SERPINB5: variants seen among roughly 807,000 people sequenced by gnomAD.
SERPINB5 encodes serpin family B member 5, also known as serpin B5.
In SERPINB5, 27 loss-of-function variants were observed where a neutral mutation model predicts 32.2. That is an observed-to-expected ratio of 0.84 (90% CI 0.62 to 1.16). The LOEUF (loss-of-function observed/expected upper bound fraction) is 1.16. Ranked by LOEUF, SERPINB5 falls within the 50% of genes most tolerant of loss-of-function variation. The pLI is 0.00. For synonymous variants in SERPINB5, 154 were observed against 157.4 expected, an observed-to-expected ratio of 0.98 and a Z score of 0.16; for missense variants, 388 against 436.3, an observed-to-expected ratio of 0.89 and a Z score of 0.99.
rs891826724 is a variant in SERPINB5 at position 63,488,018 on chromosome 18, TA to T, written c.306+946del. 1.9e-4 allele frequency among the ~76,000 whole-genome samples: 29 copies of T among 150,956 alleles called. No homozygotes were observed. In the East Asian group the frequency reaches 4.5e-3, roughly 23 times the overall value. On this transcript the variant is annotated intron_variant, in intron 3 of 6. Coordinates refer to ENST00000382771, the MANE Select transcript of SERPINB5 (RefSeq NM_002639.5). ...TCTTCCAACAATCATCTGAAGAATTTAAAAAAAAAAACTGAGATGTGAGTTG... is the reference window on the plus strand; with the variant it reads ...TCTTCCAACAATCATCTGAAGAATTTAAAAAAAAAACTGAGATGTGAGTTG...
chr18:63,484,381 G>C, intron 1 of SERPINB5, 41 bp from the exon 2 acceptor site: 1 of 1,560,562 alleles, frequency 6.4e-7, no homozygotes, highest in African/African-American at 1.4e-5. Context: ...AGACGTTAAA[G>C]ATGCTTTAGA....
In SERPINB5 at chr18:63,498,615, A is replaced by G. The variant is rs1192740796; in HGVS notation, c.568-505A>G. ...ATGTGTAACATGTAGATTATAAAGTATATGAATAACTTTTCAAAGGAACAC... is the reference window on the plus strand; with the variant it reads ...ATGTGTAACATGTAGATTATAAAGTGTATGAATAACTTTTCAAAGGAACAC... On this transcript the variant is annotated intron_variant, in intron 5 of 6. Transcript: ENST00000382771. This position sits in a 1 kb window ranked among gnomAD's most constrained non-coding sequence, Gnocchi z 4.2. Among the ~76,000 whole-genome samples, 1 of 152,180 alleles carries G rather than the reference A, an allele frequency of 6.6e-6. No individual in the cohort carries two copies. Among genetic ancestry groups the G allele is most frequent in the Non-Finnish European group, 1.5e-5 (1 of 68,032 alleles).
rs1038025320 is a variant in SERPINB5 at position 63,498,925 on chromosome 18, GTA to G, written c.568-188_568-187del. 2.3e-4 allele frequency among the ~76,000 whole-genome samples: 34 copies of G among 150,480 alleles called. No individual in the cohort carries two copies. The highest frequency in any genetic ancestry group is 7.8e-4 in the African/African-American group (32 of 41,044). Reference sequence around the variant, plus strand: ...TATGTATGCATATATATGTATATGTGTATATATAGGTGTATGTATATATGTAT... The same window carrying G: ...TATGTATGCATATATATGTATATGTGTATATAGGTGTATGTATATATGTAT... On this transcript the variant is annotated intron_variant, in intron 5 of 6. Transcript: ENST00000382771. This position sits in a 1 kb window ranked among gnomAD's most constrained non-coding sequence, Gnocchi z 4.2.
chr18:63,492,959 T>C lies in SERPINB5; in HGVS notation c.431T>C (p.Phe144Ser). The change falls in exon 5 of 7, where the codon TTT (phenylalanine) becomes TCT (serine). Residue 144 changes from phenylalanine (F) to serine (S), a missense_variant. Transcript: ENST00000382771. ...TTTCCTAAAATTGTTGCAGGCCACT[T>C]TGAGAACATTTTAGCTGACAACAGT... ...NSIKDLTDGH[F>S]ENILADNSVN... is the part of the protein sequence containing the mutation. The C allele has an allele frequency of 6.2e-7, 1 of 1,608,720 alleles. No individual in the cohort carries two copies. Among genetic ancestry groups the C allele is most frequent in the Non-Finnish European group, 8.5e-7 (1 of 1,176,882 alleles).
chr18:63,482,598 T>C (rs1273234830), intron 1 of SERPINB5, among the ~76,000 whole-genome samples: 1 of 152,188 alleles, frequency 6.6e-6, no homozygotes, highest in Admixed American at 6.5e-5. Context: ...TGAATTTACC[T>C]AATTGTCTTT....
intron 1 of SERPINB5, among the ~76,000 whole-genome samples, chr18:63,481,009 C>A (rs934923377): frequency 1.3e-5 from 2 of 152,148 alleles, no homozygotes; most frequent in African/African-American, 2.4e-5. Flanking sequence ...GATTAGCATG[C>A]AAAGGAAGGG....
chr18:63,503,240 C>A, intron 6 of SERPINB5, 90 bp from the exon 7 acceptor site: 1 of 1,402,276 alleles, frequency 7.1e-7, no homozygotes, highest in Non-Finnish European at 9.5e-7. Context: ...TGAAGCTGGG[C>A]TTATCATAAC....
intron 6 of SERPINB5, among the ~76,000 whole-genome samples, chr18:63,502,668 C>A (rs1214473236): frequency 6.6e-6 from 1 of 152,132 alleles, no homozygotes; most frequent in Non-Finnish European, 1.5e-5. Flanking sequence ...ATTTTATATT[C>A]ATTTCACTAT....
At position 63,504,056 on chromosome 18, in the gene SERPINB5, A is replaced by T. The variant is rs1438751724; in HGVS notation, c.*334A>T. Reference sequence around the variant, plus strand: ...TCCACAAAGAAAATTCCTATAAGGAAGATTTGGAAGCTCTTCTTCCCAGCA... The same window carrying T: ...TCCACAAAGAAAATTCCTATAAGGATGATTTGGAAGCTCTTCTTCCCAGCA... On this transcript the variant is annotated 3_prime_UTR_variant, in exon 7 of 7. Coordinates refer to ENST00000382771, the MANE Select transcript of SERPINB5 (RefSeq NM_002639.5). 1 of 270,184 alleles carries T rather than the reference A, an allele frequency of 3.7e-6. No individual in the cohort carries two copies. The highest frequency in any genetic ancestry group is 6.9e-6 in the Non-Finnish European group (1 of 144,010). 16.7% of individuals were successfully genotyped at this position (270,184 alleles called of 1,614,324 possible).
chr18:63,496,884 T>C (rs1358438776), intron 5 of SERPINB5: 3 of 311,712 alleles, frequency 9.6e-6, no homozygotes, highest in Non-Finnish European at 1.3e-5. Context: ...AGAAAAGGCC[T>C]GGGCAGTGCT....
intron 6 of SERPINB5, among the ~76,000 whole-genome samples, chr18:63,499,649 G>A (rs1329349068): frequency 6.6e-6 from 1 of 152,170 alleles, no homozygotes; most frequent in Non-Finnish European, 1.5e-5. Flanking sequence ...TCAAGGGTGT[G>A]TGCAGGATCA....
intron 3 of SERPINB5, 144 bp from the exon 4 acceptor site, chr18:63,489,203 A>G: frequency 2.2e-6 from 1 of 457,410 alleles, no homozygotes; most frequent in Non-Finnish European, 3.9e-6. Context: ...ACTGACTTCT[A>G]CATGAGGTTT....
At chr18:63,482,831 TATA>T (rs1272422167) in intron 1 of SERPINB5, among the ~76,000 whole-genome samples, 6 of 150,398 alleles carry the variant, frequency 4.0e-5, no homozygotes, top group East Asian at 3.9e-4. Context: ...ATTAAAATAA[TATA>T]ATAATTAAAT....
chr18:63,493,373 A>G, intron 5 of SERPINB5: 1 of 565,754 alleles, frequency 1.8e-6, no homozygotes. Context: ...CCAGCTGAAA[A>G]ATAGCTACAA....
intron 6 of SERPINB5, among the ~76,000 whole-genome samples, chr18:63,501,649 C>T (rs528089372): frequency 3.3e-5 from 5 of 152,308 alleles, no homozygotes; most frequent in East Asian, 1.9e-4. Flanking sequence ...AACTTGTTTA[C>T]GGTCCCACCA....
intron 2 of SERPINB5, 143 bp downstream of exon 2, chr18:63,484,739 A>ATTTT (rs1474564506): frequency 2.1e-5 from 3 of 144,832 alleles, no homozygotes; most frequent in South Asian, 1.1e-4. Flanking sequence ...GACTCTCTTA[A>ATTTT]TCTTTTTTTT....
intron 5 of SERPINB5, among the ~76,000 whole-genome samples, chr18:63,494,109 G>C (rs995148894): frequency 4.0e-5 from 6 of 151,896 alleles, no homozygotes; most frequent in Non-Finnish European, 7.4e-5. Flanking sequence ...AGATCACGAG[G>C]TCAGGAGTTT....
At chr18:63,501,510 G>T (rs1251559249) in intron 6 of SERPINB5, among the ~76,000 whole-genome samples, 1 of 152,090 alleles carries the variant, frequency 6.6e-6, no homozygotes, top group East Asian at 1.9e-4. Flanking sequence ...GCATACGTGT[G>T]CATGTGTCTT....
chr18:63,486,848 C>A, intron 2 of SERPINB5, 98 bp from the exon 3 acceptor site: 2 of 1,264,804 alleles, frequency 1.6e-6, no homozygotes, highest in Non-Finnish European at 2.2e-6. Context: ...CAGGAGGAGT[C>A]TGTATGCCCA....
Sources: gnomAD v4.1 joint callset for allele counts (sites outside exome capture counted in the v4.1 genomes callset) on GRCh38, gnomAD v4.1.1 for gene constraint, Gnocchi (gnomAD v3.1) non-coding constraint, MANE v1.5 for transcripts, NCBI Gene and HGNC (gene_info 2026-07-23, HGNC 2026-07-21) for gene names.